SLC27A5: variants seen among roughly 807,000 people sequenced by gnomAD.
SLC27A5 encodes the protein solute carrier family 27 member 5, also known as long-chain fatty acid transport protein 5.
A neutral mutation model predicts 63.1 loss-of-function variants in SLC27A5; 47 were observed. The observed-to-expected ratio is 0.74, with a 90% CI of 0.59 to 0.95. The LOEUF (loss-of-function observed/expected upper bound fraction) is 0.95, where lower values mean the gene tolerates loss of function less well. SLC27A5 is among the 40% of genes least tolerant of loss of function. The probability of loss-of-function intolerance (pLI) is 0.00; values close to 1 mark genes in which losing one functional copy is unlikely to be tolerated. For missense variants in SLC27A5, 940 were observed against 921.0 expected, an observed-to-expected ratio of 1.02 and a Z score of -0.27; for synonymous variants, 391 against 403.8, an observed-to-expected ratio of 0.97 and a Z score of 0.38.
At position 58,499,580 on chromosome 19, in the gene SLC27A5, C is replaced by T; in HGVS notation, c.1579G>A (p.Gly527Ser). 1 of 1,613,042 alleles carries T rather than the reference C, an allele frequency of 6.2e-7. No homozygotes were observed. Among genetic ancestry groups the T allele is most frequent in the Non-Finnish European group, 8.5e-7 (1 of 1,179,988 alleles). ...TCCCCGGTGTTGTAGTAAACGTCGC[C>T]CGATTGCCGCACGTTGCGCACCAGC... is the stretch of plus-strand genomic sequence containing the variant. ...RKLVRNVRQS[G>S]DVYYNTGDVL... Residue 527 changes from glycine (G) to serine (S), a missense_variant, in exon 7 of 10, where the codon GGC becomes AGC. Coordinates refer to ENST00000263093, the MANE Select transcript of SLC27A5 (RefSeq NM_012254.3).
chr19:58,500,863 A>G (rs2053266814), intron 4 of SLC27A5, 157 bp from the exon 5 acceptor site: 5 of 1,433,994 alleles, frequency 3.5e-6, no homozygotes, highest in South Asian at 1.5e-5. Context: ...GGTTACTTAC[A>G]TGAGAGTAGT....
Position 58,510,862 on chromosome 19 carries a change from T to C in SLC27A5, c.757A>G (p.Ser253Gly). 6.2e-7 allele frequency: 1 copy of C among 1,613,006 alleles called. No homozygotes were observed. Among genetic ancestry groups the C allele is most frequent in the Non-Finnish European group, 8.5e-7 (1 of 1,179,648 alleles). The change falls in exon 2 of 10, where the codon AGC becomes GGC. Residue 253 changes from serine (S) to glycine (G), a missense_variant. Physicochemically the swap from Ser to Gly is moderately conservative, Grantham distance 56. Coordinates refer to ENST00000263093, the MANE Select transcript of SLC27A5 (RefSeq NM_012254.3). ...QAENIRCFYL[S>G]HTSPTPGVGA... is the part of the protein sequence containing the mutation. ...ACCCCTGGTGTAGGGGAGGTATGGC[T>C]GAGGTAGAAGCAGCGGATGTTCTCA...
At position 58,511,867 on chromosome 19, in the gene SLC27A5, G is replaced by A; in HGVS notation, c.89C>T (p.Ala30Val). Reference protein sequence around the residue: ...LGQPVWPVAVALTLRWLLGDP... With the variant: ...LGQPVWPVAVVLTLRWLLGDP... ...CCCCAGGAGCCAGCGCAGGGTCAAGGCCACAGCGACTGGCCACACTGGCTG... is the reference window on the plus strand; with the variant it reads ...CCCCAGGAGCCAGCGCAGGGTCAAGACCACAGCGACTGGCCACACTGGCTG... The change falls in exon 1 of 10, where the codon GCC (alanine) becomes GTC (valine). Residue 30 changes from alanine to valine, a missense_variant. Physicochemically the swap from Ala to Val is moderately conservative, Grantham distance 64 (BLOSUM62 0). Transcript: ENST00000263093. 6.4e-7 allele frequency: 1 copy of A among 1,555,408 alleles called. No homozygotes were observed. The highest frequency in any genetic ancestry group is 1.2e-5 in the South Asian group (1 of 84,490).
In SLC27A5 at chr19:58,499,764, T is replaced by C. The variant is rs2053252996; in HGVS notation, c.1469-74A>G. 6 of 1,446,718 alleles carry C rather than the reference T, an allele frequency of 4.1e-6. No individual in the cohort carries two copies. The South Asian group carries it at 5.9e-5, about 14-fold the overall frequency. The allele number at this position is 1,446,718 out of a possible 1,614,324, so 89.6% of individuals were successfully genotyped here. ...CCCTGCTGGAGGTTTTCAACAACGG[T>C]GGACTCTTCATCACCCAGCACCCTG... is the stretch of plus-strand genomic sequence containing the variant. On this transcript the variant is annotated intron_variant, in intron 6 of 9. Transcript: ENST00000263093.
intron 7 of SLC27A5, 125 bp downstream of exon 7, chr19:58,499,367 G>T: frequency 7.5e-7 from 1 of 1,337,904 alleles, no homozygotes; most frequent in Non-Finnish European, 1.0e-6. Context: ...CGCGTGAGAA[G>T]TCCTGACTCC....
intron 3 of SLC27A5, chr19:58,507,921 C>A (rs1177592685): frequency 6.6e-6 from 1 of 152,074 alleles, no homozygotes; most frequent in East Asian, 1.9e-4. Flanking sequence ...GCTCTTGAAC[C>A]CTGTTTTCTG....
In SLC27A5 at chr19:58,498,811, C is replaced by G. The variant is rs2053238447; in HGVS notation, c.1870G>C (p.Ala624Pro). 6.2e-7 allele frequency: 1 copy of G among 1,613,992 alleles called. No individual in the cohort carries two copies. Among genetic ancestry groups the G allele is most frequent in the African/African-American group, 1.3e-5 (1 of 75,044 alleles). The change falls in exon 9 of 10, where the codon GCT (alanine) becomes CCT (proline). Residue 624 changes from alanine (A) to proline (P), a missense_variant. Ala to Pro is a conservative substitution (Grantham distance 27). Coordinates refer to ENST00000263093, the MANE Select transcript of SLC27A5 (RefSeq NM_012254.3). ...QHVRAWLPAY[A>P]TPHFIRIQDA... ...TGGATGCGGATGAAATGGGGGGTAG[C>G]GTAGGCAGGGAGCCAAGCGCGAACG...
chr19:58,498,871 C>G lies in SLC27A5; in HGVS notation c.1810G>C (p.Gly604Arg). 1 of 1,613,724 alleles carries G rather than the reference C, an allele frequency of 6.2e-7. No homozygotes were observed. The highest frequency in any genetic ancestry group is 2.2e-5 in the East Asian group (1 of 44,878). Reference sequence around the variant, plus strand: ...AACTTCTCCCCGTCGAAAGTCTGGCCGGGGGCTAGCTGCACAGCAGCCATG... The same window carrying G: ...AACTTCTCCCCGTCGAAAGTCTGGCGGGGGGCTAGCTGCACAGCAGCCATG... Reference protein sequence around the residue: ...VGMAAVQLAPGQTFDGEKLYQ... With the variant: ...VGMAAVQLAPRQTFDGEKLYQ... The change falls in exon 9 of 10, where the codon GGC becomes CGC. Residue 604 changes from glycine (G) to arginine (R), a missense_variant. Transcript: ENST00000263093.
chr19:58,498,780 C>T lies in SLC27A5; in HGVS notation c.1896+5G>A. 1 of 1,613,658 alleles carries T rather than the reference C, an allele frequency of 6.2e-7. No homozygotes were observed. Among genetic ancestry groups the T allele is most frequent in the Non-Finnish European group, 8.5e-7 (1 of 1,179,742 alleles). Reference sequence around the variant, plus strand: ...CACCCACCCACCAGGCCACCCTGGGCTCACCTGGATGCGGATGAAATGGGG... The same window carrying T: ...CACCCACCCACCAGGCCACCCTGGGTTCACCTGGATGCGGATGAAATGGGG... On this transcript the variant is annotated splice_donor_5th_base_variant and intron_variant, in intron 9 of 9. Coordinates refer to ENST00000263093, the MANE Select transcript of SLC27A5 (RefSeq NM_012254.3).
intron 3 of SLC27A5, among the ~76,000 whole-genome samples, chr19:58,501,653 A>G (rs2053275220): frequency 6.6e-6 from 1 of 152,206 alleles, no homozygotes; most frequent in South Asian, 2.1e-4. Context: ...GCAATGCTAA[A>G]TAAGGGCTGT....
rs774809369 is a variant in SLC27A5 at position 58,499,601 on chromosome 19, C to G, written c.1558G>C (p.Val520Leu). 6.2e-7 allele frequency: 1 copy of G among 1,613,086 alleles called. No homozygotes were observed. The highest frequency in any genetic ancestry group is 8.5e-7 in the Non-Finnish European group (1 of 1,180,004). Residue 520 changes from valine to leucine, a missense_variant, in exon 7 of 10, where the codon GTG (valine) becomes CTG (leucine). Transcript: ENST00000263093. ...TCGCCCGATTGCCGCACGTTGCGCA[C>G]CAGCTTCCGTTCCGACAGCTCTCGG... The part of the protein sequence containing the change: ...GPRELSERKL[V>L]RNVRQSGDVY...
chr19:58,499,798 A>C (rs1406761293), intron 6 of SLC27A5, 108 bp from the exon 7 acceptor site: 1 of 1,003,476 alleles, frequency 1.0e-6, no homozygotes. Flanking sequence ...TGCCAAGGAC[A>C]GACCCAAAGA....
Position 58,503,275 on chromosome 19 carries a change from G to A in SLC27A5, c.1058-1865C>T, listed in dbSNP as rs114330679. On this transcript the variant is annotated intron_variant, in intron 3 of 9. Coordinates refer to ENST00000263093, the MANE Select transcript of SLC27A5 (RefSeq NM_012254.3). ...TGGATAGATGGGTGGGTGGATGAAT[G>A]AATGAATGAGTGAGGAAGTAGGTGA... Among the ~76,000 whole-genome samples the A allele has an allele frequency of 2.2e-3, 329 of 151,910 alleles. 1 individual carries two copies. Among genetic ancestry groups the A allele is most frequent in the African/African-American group, 7.6e-3 (315 of 41,452 alleles).
chr19:58,505,512 C>T (rs566152764), intron 3 of SLC27A5, among the ~76,000 whole-genome samples: 1 of 151,790 alleles, frequency 6.6e-6, no homozygotes, highest in African/African-American at 2.4e-5. Context: ...GGATTACAGG[C>T]GTAAACCACT....
Position 58,511,589 on chromosome 19 carries a change from G to A in SLC27A5, c.367C>T (p.Arg123Ter), listed in dbSNP as rs200084049. The A allele has an allele frequency of 3.0e-5, 47 of 1,577,048 alleles. No individual in the cohort carries two copies. The highest frequency in any genetic ancestry group is 2.0e-4 in the South Asian group (17 of 86,810). ...PDTFVDAFERRARAQPGRALL... is the reference protein window; with the variant it reads ...PDTFVDAFER Reference sequence around the variant, plus strand: ...GCCCTGCCAGGCTGCGCTCGTGCTCGCCGCTCGAAGGCATCTACAAAGGTG... The same window carrying A: ...GCCCTGCCAGGCTGCGCTCGTGCTCACCGCTCGAAGGCATCTACAAAGGTG... The change falls in exon 1 of 10, where the codon CGA becomes TGA. Residue 123 changes from arginine to a stop codon, truncating the protein, a stop_gained. Transcript: ENST00000263093. LOFTEE classifies it high-confidence loss of function.
Position 58,499,144 on chromosome 19 carries a change from C to T in SLC27A5, c.1744G>A (p.Val582Met), listed in dbSNP as rs2053243007. 1.9e-6 allele frequency: 3 copies of T among 1,614,068 alleles called. No individual in the cohort carries two copies. The highest frequency in any genetic ancestry group is 1.7e-6 in the Non-Finnish European group (2 of 1,180,032). Reference protein sequence around the residue: ...SQVDFLQQVNVYGVCVPGCEG... With the variant: ...SQVDFLQQVNMYGVCVPGCEG... ...GCACCTGGCACGCACACGCCATACACGTTAACCTGTTGCAAGAAGTCCACC... is the reference window on the plus strand; with the variant it reads ...GCACCTGGCACGCACACGCCATACATGTTAACCTGTTGCAAGAAGTCCACC... Residue 582 changes from valine (V) to methionine (M), a missense_variant, in exon 8 of 10, where the codon GTG (valine) becomes ATG (methionine). Physicochemically the swap from Val to Met is conservative, Grantham distance 21 (BLOSUM62 1). Transcript: ENST00000263093.
chr19:58,500,197 C>A, intron 6 of SLC27A5, 142 bp downstream of exon 6: 1 of 676,766 alleles, frequency 1.5e-6, no homozygotes. Context: ...GTAAGGCAGG[C>A]CACTGGCTCA....
At chr19:58,500,836 C>T in intron 4 of SLC27A5, 130 bp from the exon 5 acceptor site, 1 of 1,463,234 alleles carries the variant, frequency 6.8e-7, no homozygotes. Flanking sequence ...GGGACCTCTA[C>T]CTAAGGGATC....
In SLC27A5 at chr19:58,501,319, G is replaced by A. The variant is rs749422754; in HGVS notation, c.1149C>T (p.Gly383=). ...TGTTACACAAGTACCGCAGGAGCTC[G>A]CCCACATACAGGATCACTGTCACGC... ...QHGVTVILYV[G]ELLRYLCNIP... Residue 383 remains glycine (G), a synonymous_variant, in exon 4 of 10, where the codon GGC becomes GGT. Coordinates refer to ENST00000263093, the MANE Select transcript of SLC27A5 (RefSeq NM_012254.3). 1.2e-5 allele frequency: 20 copies of A among 1,613,614 alleles called. No individual in the cohort carries two copies. The highest frequency in any genetic ancestry group is 3.3e-4 in the Middle Eastern group (2 of 6,056).
Sources: allele counts gnomAD v4.1 joint callset (sites outside exome capture counted in the v4.1 genomes callset), GRCh38; gene constraint gnomAD v4.1.1; transcripts MANE v1.5; gene names NCBI Gene and HGNC (gene_info 2026-07-23, HGNC 2026-07-21).